FRMPD3: variants seen among roughly 807,000 people sequenced by gnomAD.
FRMPD3 encodes the protein FERM and PDZ domain containing 3.
Under a neutral mutation model 97.9 loss-of-function variants are expected in FRMPD3, and 42 were observed. That is an observed-to-expected ratio of 0.43 (90% CI 0.34 to 0.55). FRMPD3 has a LOEUF of 0.55. Ranked by LOEUF, FRMPD3 falls within the 20% of genes least tolerant of loss-of-function variation. The pLI, the probability that FRMPD3 is intolerant of heterozygous loss-of-function variation, is 0.03. For synonymous variants in FRMPD3, 577 were observed against 581.1 expected, an observed-to-expected ratio of 0.99 and a Z score of 0.10; for missense variants, 1,303 against 1,457.7, an observed-to-expected ratio of 0.89 and a Z score of 1.73.
intron 2 of FRMPD3, among the ~76,000 whole-genome samples, chrX:107,527,894 C>T (rs1219030935): frequency 9.0e-6 from 1 of 111,643 alleles, no homozygotes; most frequent in East Asian, 2.8e-4. Flanking sequence ...TGACCTAAGG[C>T]TCTGGAGTCA....
chrX:107,476,167 G>A (rs1313278901), intron 1 of FRMPD3, among the ~76,000 whole-genome samples: 1 of 112,421 alleles, frequency 8.9e-6, no homozygotes, highest in Non-Finnish European at 1.9e-5. Context: ...TTACAGGCGT[G>A]AGCCACCACG....
chrX:107,510,592 T>C (rs757093493), intron 1 of FRMPD3, among the ~76,000 whole-genome samples: 1 of 112,255 alleles, frequency 8.9e-6, no homozygotes, highest in South Asian at 3.7e-4. Flanking sequence ...TAGCACGTGC[T>C]CTTGCCCTTG....
rs1299936645 is a variant in FRMPD3, at chrX:107,601,848, C to A, written c.3809C>A (p.Pro1270His). ...CTGCCAGGCACCGAGTACCTGCAAC[C>A]TCCAGCACCTGGCCGCTGCAGCTGC... The part of the protein sequence containing the change: ...GELPGTEYLQ[P>H]PAPGRCSCQL... The change falls in exon 15 of 15, where the codon CCT becomes CAT. Residue 1270 changes from proline to histidine, a missense_variant. This residue lies in a region of FRMPD3 where 764 missense variants were observed against 820.2 expected (regional missense o/e 0.93). Transcript: ENST00000683843. 4 of 1,208,680 alleles carry A rather than the reference C, an allele frequency of 3.3e-6. No individual in the cohort carries two copies. The African/African-American group carries it at 7.0e-5, about 21-fold the overall frequency.
chrX:107,538,586 C>A (rs1174894786), intron 4 of FRMPD3, among the ~76,000 whole-genome samples: 1 of 102,436 alleles, frequency 9.8e-6, no homozygotes, highest in African/African-American at 3.6e-5. Context: ...AGACAATCTG[C>A]AAGTCTCCTT....
chrX:107,572,782 T>C (rs1331897066), intron 12 of FRMPD3, among the ~76,000 whole-genome samples: 1 of 109,130 alleles, frequency 9.2e-6, no homozygotes, highest in Non-Finnish European at 1.9e-5. Flanking sequence ...GGGTGTCTCA[T>C]GCCTGTAATC....
At chrX:107,524,419 C>T (rs1219215017) in intron 1 of FRMPD3, among the ~76,000 whole-genome samples, 3 of 112,220 alleles carry the variant, frequency 2.7e-5, no homozygotes, top group African/African-American at 9.7e-5. Flanking sequence ...AGAGACTTGA[C>T]CTCATCCTAG....
intron 4 of FRMPD3, among the ~76,000 whole-genome samples, chrX:107,537,613 C>T (rs931757419): frequency 1.8e-5 from 2 of 111,470 alleles, no homozygotes; most frequent in East Asian, 2.8e-4. Context: ...AGTTGATCTA[C>T]GTTTGTAAGG....
chrX:107,476,634 G>T (rs776715242), intron 1 of FRMPD3, among the ~76,000 whole-genome samples: 41 of 112,472 alleles, frequency 3.6e-4, no homozygotes, highest in African/African-American at 1.3e-3. Context: ...TTCAGTGAGT[G>T]CTTAGTAAAT....
chrX:107,505,497 T>C (rs1922009797), intron 1 of FRMPD3, among the ~76,000 whole-genome samples: 1 of 112,045 alleles, frequency 8.9e-6, no homozygotes, highest in South Asian at 3.7e-4. Flanking sequence ...GAGGCAGAGG[T>C]TGCAGTGAGC....
At chrX:107,463,948 A>G (rs775622551) in intron 1 of FRMPD3, among the ~76,000 whole-genome samples, 19 of 112,266 alleles carry the variant, frequency 1.7e-4, no homozygotes, top group Non-Finnish European at 3.6e-4. Context: ...GGGACCAGGT[A>G]GTCCTGAGTT....
At chrX:107,501,837 A>C (rs1921918806) in intron 1 of FRMPD3, among the ~76,000 whole-genome samples, 1 of 109,230 alleles carries the variant, frequency 9.2e-6, no homozygotes, top group Non-Finnish European at 1.9e-5. Context: ...CTATCCATGC[A>C]AAAAAGCCTT....
At chrX:107,505,528 C>G (rs1382573769) in intron 1 of FRMPD3, among the ~76,000 whole-genome samples, 1 of 112,280 alleles carries the variant, frequency 8.9e-6, no homozygotes, top group African/African-American at 3.2e-5. Flanking sequence ...CCACTACACT[C>G]TAGCCTGGAC....
At chrX:107,589,661 C>A (rs1205788551) in intron 13 of FRMPD3, among the ~76,000 whole-genome samples, 1 of 111,968 alleles carries the variant, frequency 8.9e-6, no homozygotes, top group Non-Finnish European at 1.9e-5. Context: ...GCCATCTTGA[C>A]CCTGCGCTGT....
rs1203665726 is a variant in FRMPD3 at position 107,449,922 on chromosome X, T to TGCGCCGCCGCTGCC, written c.-83_-70dup. Among the ~76,000 whole-genome samples the TGCGCCGCCGCTGCC allele has an allele frequency of 9.2e-6, 1 of 108,363 alleles. No individual in the cohort carries two copies. Among genetic ancestry groups the TGCGCCGCCGCTGCC allele is most frequent in the Non-Finnish European group, 1.9e-5 (1 of 51,659 alleles). 94.1% of individuals were successfully genotyped at this position (108,363 alleles called of 115,157 possible). On this transcript the variant is annotated 5_prime_UTR_variant, in exon 1 of 15. Coordinates refer to ENST00000683843, the MANE Select transcript of FRMPD3 (RefSeq NM_001388459.1). The stretch of plus-strand genomic sequence containing the variant: ...CTGCCGCCGCCGCCGCCGCCGCCGC[T>TGCGCCGCCGCTGCC]GCGCCGCCGCTGCCGCGCCGCTGAG...
At chrX:107,565,149 G>A in intron 12 of FRMPD3, 83 bp downstream of exon 12, 2 of 941,750 alleles carry the variant, frequency 2.1e-6, no homozygotes, top group Non-Finnish European at 1.4e-6. Flanking sequence ...AAAGAGAATT[G>A]GAATCTGTTA....
At chrX:107,502,020 T>C (rs929705172) in intron 1 of FRMPD3, among the ~76,000 whole-genome samples, 2 of 108,672 alleles carry the variant, frequency 1.8e-5, no homozygotes, top group Non-Finnish European at 3.8e-5. Context: ...TATTACAAGG[T>C]TAAGGAGGGT....
At position 107,582,725 on chromosome X, in the gene FRMPD3, C is replaced by T. The variant is rs143729897; in HGVS notation, c.1441+6266C>T. Among the ~76,000 whole-genome samples, 167 of 112,498 alleles carry T rather than the reference C, an allele frequency of 1.5e-3. 1 individual carries two copies. The highest frequency in any genetic ancestry group is 3.6e-3 in the Admixed American group (38 of 10,592). Reference sequence around the variant, plus strand: ...CTCAATTCTACTGCCTTGATCTATACGTCTATCCTTATGCCACCACTTTAT... The same window carrying T: ...CTCAATTCTACTGCCTTGATCTATATGTCTATCCTTATGCCACCACTTTAT... On this transcript the variant is annotated intron_variant, in intron 13 of 14. Transcript: ENST00000683843.
At chrX:107,455,323 G>A (rs1410113675) in intron 1 of FRMPD3, among the ~76,000 whole-genome samples, 1 of 112,084 alleles carries the variant, frequency 8.9e-6, no homozygotes, top group Non-Finnish European at 1.9e-5. Flanking sequence ...GGGAGGCTGA[G>A]GTGGGAGGAC....
chrX:107,512,884 C>T (rs1367771660), intron 1 of FRMPD3: 2 of 112,975 alleles, frequency 1.8e-5, no homozygotes, highest in Admixed American at 1.9e-4. Context: ...TTGTGACACA[C>T]AGTGCCATAT....
Sources: allele counts gnomAD v4.1 joint callset (sites outside exome capture counted in the v4.1 genomes callset), GRCh38; gene constraint gnomAD v4.1.1; regional missense constraint gnomAD v4.1.1; transcripts MANE v1.5; gene names NCBI Gene and HGNC (gene_info 2026-07-23, HGNC 2026-07-21).